WASHC5: variants seen among roughly 807,000 people sequenced by gnomAD.
The protein encoded by WASHC5 is WASH complex subunit 5.
A neutral mutation model predicts 150.4 loss-of-function variants in WASHC5; 101 were observed. That is an observed-to-expected ratio of 0.67 (90% confidence interval 0.57 to 0.79). The LOEUF (loss-of-function observed/expected upper bound fraction) is 0.79, where lower values mean the gene tolerates loss of function less well. Among genes scored for constraint, WASHC5 ranks in the 30% least tolerant of loss-of-function variants. WASHC5 has a pLI of 0.00. For synonymous variants in WASHC5, 467 were observed against 491.2 expected (o/e 0.95, Z 0.65); for missense variants, 1,195 against 1,396.3 (o/e 0.86, Z 2.30).
At chr8:125,024,772 A>C in intron 28 of WASHC5, 99 bp from the exon 29 acceptor site, 1 of 830,474 alleles carries the variant, frequency 1.2e-6, no homozygotes, top group Non-Finnish European at 2.1e-6. Context: ...CAAGGTGAAT[A>C]ATAGAAGAGG....
At chr8:125,076,636 A>C (rs1043129789) in intron 6 of WASHC5, 136 bp from the exon 7 acceptor site, 5 of 916,034 alleles carry the variant, frequency 5.5e-6, no homozygotes, top group Non-Finnish European at 8.6e-6. Context: ...GGACACTGGA[A>C]GCCCTTCTCA....
chr8:125,030,510 G>T (rs750016479), intron 27 of WASHC5, among the ~76,000 whole-genome samples: 60 of 151,976 alleles, frequency 3.9e-4, no homozygotes, highest in Non-Finnish European at 2.5e-4. Context: ...TAACGACATT[G>T]GGGTTTAGAA....
intron 19 of WASHC5, 54 bp from the exon 20 acceptor site, chr8:125,047,385 A>C: frequency 6.5e-7 from 1 of 1,543,116 alleles, no homozygotes; most frequent in East Asian, 2.3e-5. Context: ...TAACCTAGTT[A>C]TCCCTTTTCC....
chr8:125,035,582 C>T (rs761741843), intron 26 of WASHC5, among the ~76,000 whole-genome samples: 7 of 152,168 alleles, frequency 4.6e-5, no homozygotes, highest in Admixed American at 6.5e-5. Context: ...ACTCAGTTTG[C>T]GGTGACTTGG....
chr8:125,078,132 T>C (rs1178617415), intron 6 of WASHC5, among the ~76,000 whole-genome samples: 1 of 152,138 alleles, frequency 6.6e-6, no homozygotes, highest in Non-Finnish European at 1.5e-5. Context: ...AAATGGTAAT[T>C]TTATTTGGCG....
At chr8:125,052,146 T>C (rs1563618563) in intron 17 of WASHC5, among the ~76,000 whole-genome samples, 1 of 152,196 alleles carries the variant, frequency 6.6e-6, no homozygotes, top group Admixed American at 6.5e-5. Context: ...CATCTGTGCT[T>C]TATTATACAA....
chr8:125,062,855 G>T (rs1240755140), intron 11 of WASHC5, among the ~76,000 whole-genome samples: 3 of 152,064 alleles, frequency 2.0e-5, no homozygotes, highest in Non-Finnish European at 4.4e-5. Context: ...ATTCAGAATG[G>T]TTTTTTGGGA....
Position 125,033,738 on chromosome 8 carries a change from G to A in WASHC5, c.3182-1344C>T, listed in dbSNP as rs983938505. On this transcript the variant is annotated intron_variant, in intron 26 of 28. Transcript: ENST00000318410. ...TAATTTTTGTGTTTTTAGTAGAGAC[G>A]GGTTTCACTATGTTGACCAGGCTGG... is the stretch of plus-strand genomic sequence containing the variant. 4.6e-5 allele frequency among the ~76,000 whole-genome samples: 7 copies of A among 151,970 alleles called. No individual in the cohort carries two copies. The South Asian group carries it at 6.2e-4, about 14-fold the overall frequency.
In WASHC5 at chr8:125,028,639, T is replaced by A. The variant is rs1329959333; in HGVS notation, c.3404A>T (p.Tyr1135Phe). 6.2e-7 allele frequency: 1 copy of A among 1,612,774 alleles called. No homozygotes were observed. The highest frequency in any genetic ancestry group is 8.5e-7 in the Non-Finnish European group (1 of 1,178,770). The change falls in exon 28 of 29, where the codon TAC becomes TTC. Residue 1135 changes from tyrosine (Y) to phenylalanine (F), a missense_variant. By Grantham distance (22) the Tyr-to-Phe change is conservative. This residue lies in a region of WASHC5 where 997 missense variants were observed against 1,168.1 expected (regional missense o/e 0.85). Transcript: ENST00000318410. ...ACTTACCCTCCTGGGTAGCTTTGTG[T>A]ACCGAACATAATCCTCCAGGAACAG... is the stretch of plus-strand genomic sequence containing the variant. ...ALLFLEDYVR[Y>F]TKLPRRVAEA... is the part of the protein sequence containing the mutation.
At position 125,062,366 on chromosome 8, in the gene WASHC5, T is replaced by C. The variant is rs538653952; in HGVS notation, c.1408+1156A>G. Among the ~76,000 whole-genome samples the C allele has an allele frequency of 2.0e-5, 3 of 152,356 alleles. No homozygotes were observed. The East Asian group carries it at 5.8e-4, about 29-fold the overall frequency. ...TAAACTATACAGCTGGAAAAAAATGTAAAATTGTTATTTCATCTCTGAAAC... is the reference window on the plus strand; with the variant it reads ...TAAACTATACAGCTGGAAAAAAATGCAAAATTGTTATTTCATCTCTGAAAC... On this transcript the variant is annotated intron_variant, in intron 11 of 28. Transcript: ENST00000318410.
intron 26 of WASHC5, 93 bp from the exon 27 acceptor site, chr8:125,032,487 C>T: frequency 2.2e-6 from 3 of 1,375,354 alleles, no homozygotes; most frequent in Non-Finnish European, 3.1e-6. Context: ...ATGTTTGGGG[C>T]CCATATTCTC....
At position 125,083,946 on chromosome 8, in the gene WASHC5, C is replaced by T. The variant is rs774757136; in HGVS notation, c.-48G>A. 9 of 1,563,932 alleles carry T rather than the reference C, an allele frequency of 5.8e-6. No individual in the cohort carries two copies. Among genetic ancestry groups the T allele is most frequent in the Non-Finnish European group, 7.9e-6 (9 of 1,139,142 alleles). On this transcript the variant is annotated 5_prime_UTR_variant, in exon 2 of 29. Coordinates refer to ENST00000318410, the MANE Select transcript of WASHC5 (RefSeq NM_014846.4). ...GTGCCTGGACACTGGGGATGATTAA[C>T]TGGCCTCAGAGCTGGTGTCTGTATA... is the stretch of plus-strand genomic sequence containing the variant.
rs957850357 is a variant in WASHC5, at chr8:125,090,828, C to A, written c.-125+787G>T. 2.0e-5 allele frequency among the ~76,000 whole-genome samples: 3 copies of A among 152,194 alleles called. No homozygotes were observed. In the East Asian group the frequency reaches 5.8e-4, roughly 29 times the overall value. On this transcript the variant is annotated intron_variant, in intron 1 of 28. Coordinates refer to ENST00000318410, the MANE Select transcript of WASHC5 (RefSeq NM_014846.4). ...ACTGGTCTCCACAAATCCATTATCA[C>A]AAACAAAATATAACGGTTGCTGATC...
chr8:125,056,069 T>C (rs763230632), intron 16 of WASHC5, among the ~76,000 whole-genome samples: 7 of 152,190 alleles, frequency 4.6e-5, no homozygotes, highest in East Asian at 3.8e-4. Context: ...AGCTATACTG[T>C]TGAATCAGAA....
chr8:125,060,263 GA>G, intron 12 of WASHC5, among the ~76,000 whole-genome samples: 1 of 152,264 alleles, frequency 6.6e-6, no homozygotes, highest in East Asian at 1.9e-4. Flanking sequence ...GAGGCAGGTG[GA>G]TCACCTGAGG....
intron 27 of WASHC5, among the ~76,000 whole-genome samples, chr8:125,030,368 T>C (rs1815491942): frequency 6.6e-6 from 1 of 152,230 alleles, no homozygotes; most frequent in Non-Finnish European, 1.5e-5. Flanking sequence ...AGTTCTCCTC[T>C]ATTTTTCAAT....
intron 23 of WASHC5, among the ~76,000 whole-genome samples, chr8:125,042,799 G>T (rs78158137): frequency 1.3e-5 from 2 of 152,114 alleles, no homozygotes; most frequent in African/African-American, 4.8e-5. Flanking sequence ...CCCACATCAC[G>T]AGAGGATATC....
In WASHC5 at chr8:125,050,676, A is replaced by G. The variant is rs1226310726; in HGVS notation, c.2098-11T>C. On this transcript the variant is annotated splice_polypyrimidine_tract_variant and intron_variant, in intron 17 of 28. Transcript: ENST00000318410. ...CTGCTTTGGATCCACCTAAGTGCCA[A>G]TCAAAAGTATTAAATGATAGTTACG... The G allele has an allele frequency of 1.9e-6, 3 of 1,602,320 alleles. No individual in the cohort carries two copies. Among genetic ancestry groups the G allele is most frequent in the Non-Finnish European group, 2.6e-6 (3 of 1,169,372 alleles).
chr8:125,058,759 C>T (rs2891655), intron 14 of WASHC5, among the ~76,000 whole-genome samples: 16,938 of 151,994 alleles, frequency 0.11, 2,214 homozygotes, highest in African/African-American at 0.31. Flanking sequence ...ACTGAGTAGA[C>T]TCTTTGTTCA....
Sources: allele counts gnomAD v4.1 joint callset (sites outside exome capture counted in the v4.1 genomes callset), GRCh38; gene constraint gnomAD v4.1.1; regional missense constraint gnomAD v4.1.1; transcripts MANE v1.5; gene names NCBI Gene and HGNC (gene_info 2026-07-23, HGNC 2026-07-21).